IFNLR1: variants seen among roughly 807,000 people sequenced by gnomAD.
The protein encoded by IFNLR1 is CRF2-12.
In IFNLR1, 28 loss-of-function variants were observed where a neutral mutation model predicts 52.5. The observed-to-expected ratio is 0.53, with a 90% CI of 0.40 to 0.73. The LOEUF (loss-of-function observed/expected upper bound fraction) is 0.73. IFNLR1 is among the 30% of genes least tolerant of loss of function. IFNLR1 has a pLI of 0.00. For missense variants in IFNLR1, 623 were observed against 659.1 expected, an observed-to-expected ratio of 0.95 and a Z score of 0.60; for synonymous variants, 276 against 274.9, an observed-to-expected ratio of 1.00 and a Z score of -0.04.
In IFNLR1 at chr1:24,157,841, T is replaced by C; in HGVS notation, c.852A>G (p.Pro284=). 6.2e-7 allele frequency: 1 copy of C among 1,612,256 alleles called. No individual in the cohort carries two copies. ...AGAGGAACAAGTCATTCACGGACTCTGGTCTGCTGGGCTGAAAGGTTGCCA... is the reference window on the plus strand; with the variant it reads ...AGAGGAACAAGTCATTCACGGACTCCGGTCTGCTGGGCTGAAAGGTTGCCA... ...HPVATFQPSR[P]ESVNDLFLCP... Residue 284 remains proline, a synonymous_variant, in exon 7 of 7, where the codon CCA becomes CCG. Transcript: ENST00000327535. The surrounding 1 kb of genome is among the most constrained non-coding windows in gnomAD (Gnocchi z 5.1).
chr1:24,162,782 C>T (rs1339949902), intron 3 of IFNLR1, among the ~76,000 whole-genome samples: 27 of 69,026 alleles, frequency 3.9e-4, no homozygotes, highest in Non-Finnish European at 6.4e-4. Flanking sequence ...CTTTCTTTTT[C>T]TTTCTTTTTC....
chr1:24,162,652 G>A (rs765843905), intron 3 of IFNLR1, among the ~76,000 whole-genome samples: 16 of 152,294 alleles, frequency 1.1e-4, no homozygotes, highest in Admixed American at 3.3e-4. Flanking sequence ...AGGTGGAAGG[G>A]CAAGAGAGGG....
At position 24,180,886 on chromosome 1, in the gene IFNLR1, A is replaced by C. The variant is rs111892294; in HGVS notation, c.59-32T>G. The C allele has an allele frequency of 1.0e-3, 1,663 of 1,606,226 alleles. 10 individuals are homozygous for C. In the African/African-American group the frequency reaches 0.015, roughly 15 times the overall value. On this transcript the variant is annotated intron_variant, in intron 1 of 6. Transcript: ENST00000327535. ...GAAAGAAAGGGGTCATGAAGCCTGG[A>C]GCTCCTGGCTGGTCTTGACTCAGGC...
chr1:24,175,537 G>A (rs1170574011), intron 2 of IFNLR1, among the ~76,000 whole-genome samples: 3 of 152,318 alleles, frequency 2.0e-5, no homozygotes, highest in Non-Finnish European at 2.9e-5. Flanking sequence ...AGGTTCATAA[G>A]TGGAGAGGAA....
At chr1:24,180,311 A>G (rs974066824) in intron 2 of IFNLR1, among the ~76,000 whole-genome samples, 27 of 151,220 alleles carry the variant, frequency 1.8e-4, no homozygotes, top group African/African-American at 6.1e-4. Context: ...AAAAAAAAAA[A>G]AGAGAAAAAA....
rs192020769 is a variant in IFNLR1, at chr1:24,177,691, A to G, written c.182+3040T>C. ...CAGACACCCCCAGAAACAAAACTTT[A>G]ACAGCCATCTAGGCATCCTTCAACC... On this transcript the variant is annotated intron_variant, in intron 2 of 6. Coordinates refer to ENST00000327535, the MANE Select transcript of IFNLR1 (RefSeq NM_170743.4). Among the ~76,000 whole-genome samples, 399 of 152,364 alleles carry G rather than the reference A, an allele frequency of 2.6e-3. 2 individuals carry two copies. Among genetic ancestry groups the G allele is most frequent in the Non-Finnish European group, 4.4e-3 (302 of 68,032 alleles).
intron 3 of IFNLR1, among the ~76,000 whole-genome samples, chr1:24,162,702 TTTTCTTTTCTTTCTTTCTTTC>T (rs1644457013): frequency 3.0e-5 from 1 of 33,568 alleles, no homozygotes; most frequent in African/African-American, 1.2e-4. Context: ...CTCACTTTTC[TTTTCTTTTCTTTCTTTCTTTC>T]TTTTCTTTCT....
Position 24,157,700 on chromosome 1 carries a change from C to G in IFNLR1, c.993G>C (p.Glu331Asp). Residue 331 changes from glutamate (E) to aspartate (D), a missense_variant, in exon 7 of 7, where the codon GAG becomes GAC. Glu to Asp is a conservative substitution (Grantham distance 45). Transcript: ENST00000327535. This position sits in a 1 kb window ranked among gnomAD's most constrained non-coding sequence, Gnocchi z 5.1. ...DLAEDEEEEDEEDTEDGVSFQ... is the reference protein window; with the variant it reads ...DLAEDEEEEDDEDTEDGVSFQ... ...AGCTGACGCCATCTTCTGTGTCCTC[C>G]TCATCCTCCTCCTCTTCGTCCTCTG... The G allele has an allele frequency of 6.2e-7, 1 of 1,613,898 alleles. No individual in the cohort carries two copies. The highest frequency in any genetic ancestry group is 8.5e-7 in the Non-Finnish European group (1 of 1,179,898).
Position 24,155,095 on chromosome 1 carries a change from A to T in IFNLR1, c.*2035T>A, listed in dbSNP as rs1158621909. The T allele has an allele frequency of 6.6e-6, 1 of 152,228 alleles. No individual in the cohort carries two copies. Among genetic ancestry groups the T allele is most frequent in the African/African-American group, 2.4e-5 (1 of 41,448 alleles). 9.4% of individuals were successfully genotyped at this position (152,228 alleles called of 1,614,324 possible). A position where few individuals can be genotyped will look rare whatever the true frequency, so the allele number is the denominator to read the frequency against. ...TTTCCCTGGGAGCTGGCCCCAAGCC[A>T]CAGCCCTCCCCAGCTCCGTAGTTTG... On this transcript the variant is annotated 3_prime_UTR_variant, in exon 7 of 7. Coordinates refer to ENST00000327535, the MANE Select transcript of IFNLR1 (RefSeq NM_170743.4).
chr1:24,170,187 G>T (rs1225403829), intron 2 of IFNLR1, among the ~76,000 whole-genome samples: 1 of 152,188 alleles, frequency 6.6e-6, no homozygotes, highest in East Asian at 1.9e-4. Context: ...ACGGAGTCAG[G>T]TGCCACCTTG....
chr1:24,172,983 A>G (rs576009570), intron 2 of IFNLR1, among the ~76,000 whole-genome samples: 1 of 152,206 alleles, frequency 6.6e-6, no homozygotes, highest in African/African-American at 2.4e-5. Flanking sequence ...ATCTCATTTT[A>G]CTTTAATTAC....
At chr1:24,175,837 G>A (rs1241709208) in intron 2 of IFNLR1, among the ~76,000 whole-genome samples, 7 of 152,014 alleles carry the variant, frequency 4.6e-5, no homozygotes, top group African/African-American at 1.7e-4. Flanking sequence ...AGGAGGCTGA[G>A]GCAGGAGAAT....
At chr1:24,159,726 G>GTTTTTTTTTTTTGTTT (rs6143167) in intron 4 of IFNLR1, 93 bp from the exon 5 acceptor site, 151 of 762,574 alleles carry the variant, frequency 2.0e-4, no homozygotes, top group South Asian at 3.4e-4. Context: ...ATGGTAGGGT[G>GTTTTTTTTTTTTGTTT]TTTTTTTTTT....
intron 6 of IFNLR1, 131 bp from the exon 7 acceptor site, chr1:24,158,022 C>A (rs1644401739): frequency 1.2e-6 from 1 of 845,164 alleles, no homozygotes; most frequent in Non-Finnish European, 1.8e-6. Context: ...GGGAGATGAT[C>A]CCAGAACACA....
intron 1 of IFNLR1, among the ~76,000 whole-genome samples, chr1:24,185,764 G>C (rs1644731336): frequency 6.6e-6 from 1 of 152,200 alleles, no homozygotes; most frequent in South Asian, 2.1e-4. Flanking sequence ...TAGGTCACAT[G>C]AGAAAAACAG....
At chr1:24,175,150 T>C (rs559252440) in intron 2 of IFNLR1, among the ~76,000 whole-genome samples, 2 of 152,340 alleles carry the variant, frequency 1.3e-5, no homozygotes, top group South Asian at 4.1e-4. Context: ...CCTTCAAGTA[T>C]AGGGAAAAAT....
intron 3 of IFNLR1, among the ~76,000 whole-genome samples, chr1:24,167,149 G>C (rs1481440437): frequency 6.6e-6 from 1 of 152,182 alleles, no homozygotes; most frequent in East Asian, 1.9e-4. Context: ...TTGGACGTTG[G>C]AGCTTCCTGT....
intron 5 of IFNLR1, 97 bp downstream of exon 5, chr1:24,159,377 G>A (rs1204838760): frequency 7.6e-6 from 10 of 1,315,756 alleles, no homozygotes; most frequent in Non-Finnish European, 8.6e-6. Context: ...TTTAATCCAG[G>A]CGAGTCTATC....
chr1:24,178,637 C>T (rs925897795), intron 2 of IFNLR1, among the ~76,000 whole-genome samples: 4 of 152,156 alleles, frequency 2.6e-5, no homozygotes, highest in Non-Finnish European at 5.9e-5. Flanking sequence ...GAGCAGAGTA[C>T]GTCGCAATAG....
Sources: gnomAD v4.1 joint callset for allele counts (sites outside exome capture counted in the v4.1 genomes callset) on GRCh38, gnomAD v4.1.1 for gene constraint, Gnocchi (gnomAD v3.1) non-coding constraint, MANE v1.5 for transcripts, NCBI Gene and HGNC (gene_info 2026-07-23, HGNC 2026-07-21) for gene names.